Variants in WDR49 observed in about 807,000 individuals in gnomAD.
WDR49 encodes the protein WD repeat domain 49.
In WDR49, 107 loss-of-function variants were observed where a neutral mutation model predicts 119.5. The observed-to-expected ratio is 0.90, with a 90% CI of 0.77 to 1.05. WDR49 has a LOEUF of 1.05. Ranked by LOEUF, WDR49 falls within the 50% of genes least tolerant of loss-of-function variation. WDR49 has a pLI of 0.00. For synonymous variants in WDR49, 425 were observed against 418.8 expected (o/e 1.01, Z -0.18); for missense variants, 1,240 against 1,220.5 (o/e 1.02, Z -0.24).
intron 10 of WDR49, among the ~76,000 whole-genome samples, chr3:167,552,419 A>T (rs1439666106): frequency 6.6e-6 from 1 of 152,074 alleles, no homozygotes; most frequent in Non-Finnish European, 1.5e-5. Flanking sequence ...ACTGTTGTAC[A>T]ATTTATAGGA....
At chr3:167,554,889 T>C in intron 9 of WDR49, 91 bp from the exon 10 acceptor site, 2 of 931,786 alleles carry the variant, frequency 2.1e-6, no homozygotes, top group Non-Finnish European at 3.2e-6. Context: ...TATGTAATCA[T>C]TAAAGAAAAT....
chr3:167,532,829 C>A (rs2108243975), intron 12 of WDR49, 50 bp downstream of exon 12: 1 of 1,371,752 alleles, frequency 7.3e-7, no homozygotes, highest in Non-Finnish European at 1.0e-6. Context: ...ACAACCAGGC[C>A]TACTGTGATT....
At position 167,640,193 on chromosome 3, in the gene WDR49, G is replaced by T. The variant is rs1717814270; in HGVS notation, c.166-12901C>A. On this transcript the variant is annotated intron_variant, in intron 2 of 18. Transcript: ENST00000682715. ...GCATATATAATGACCTATATCTGCA[G>T]CCATCTCCTTCTCCCCTGTGACAGC... 6.6e-5 allele frequency among the ~76,000 whole-genome samples: 10 copies of T among 151,806 alleles called. No individual in the cohort carries two copies. The Admixed American group carries it at 6.6e-4, about 10-fold the overall frequency.
rs369559289 is a variant in WDR49 at position 167,529,179 on chromosome 3, T to C, written c.2279A>G (p.Lys760Arg). 1.8e-5 allele frequency: 29 copies of C among 1,611,736 alleles called. No individual in the cohort carries two copies. The African/African-American group carries it at 3.5e-4, about 19-fold the overall frequency. The change falls in exon 14 of 19, where the codon AAG becomes AGG. Residue 760 changes from lysine to arginine, a missense_variant. By Grantham distance (26) the Lys-to-Arg change is conservative. Transcript: ENST00000682715. ...CAAAAATTCAGCCAGAAGTTGCTTC[T>C]TATATATATCCCAAAATCTGACATA... Reference protein sequence around the residue: ...SGYVRFWDIYKKQLLAEFLAH... With the variant: ...SGYVRFWDIYRKQLLAEFLAH...
chr3:167,650,954 T>G (rs1163991624), intron 2 of WDR49, among the ~76,000 whole-genome samples: 1 of 152,162 alleles, frequency 6.6e-6, no homozygotes, highest in Non-Finnish European at 1.5e-5. Context: ...AGCCGGGATT[T>G]AAGCTCAGGA....
chr3:167,625,923 C>CAA (rs755478227), intron 3 of WDR49, among the ~76,000 whole-genome samples: 69 of 77,190 alleles, frequency 8.9e-4, no homozygotes, highest in African/African-American at 2.5e-3. Flanking sequence ...CCAAAATTTG[C>CAA]AAAAAAAAAA....
In WDR49 at chr3:167,560,743, G is replaced by A. The variant is rs1231999238; in HGVS notation, c.1510-515C>T. On this transcript the variant is annotated intron_variant, in intron 8 of 18. Coordinates refer to ENST00000682715, the MANE Select transcript of WDR49 (RefSeq NM_001366157.1). The stretch of plus-strand genomic sequence containing the variant: ...TTGCTTTCTTTTTTCCCAAACTACT[G>A]TGTATATTTTTATAGCTAAACACAA... Among the ~76,000 whole-genome samples the A allele has an allele frequency of 3.3e-5, 5 of 149,444 alleles. No individual in the cohort carries two copies. In the East Asian group the frequency reaches 9.8e-4, roughly 29 times the overall value.
At chr3:167,567,831 T>A (rs1043436414) in intron 8 of WDR49, among the ~76,000 whole-genome samples, 1 of 152,200 alleles carries the variant, frequency 6.6e-6, no homozygotes, top group Non-Finnish European at 1.5e-5. Context: ...CTCTTACTGG[T>A]AAGGTGCTTC....
chr3:167,635,477 C>G (rs1381471907), intron 2 of WDR49, among the ~76,000 whole-genome samples: 7 of 151,564 alleles, frequency 4.6e-5, no homozygotes, highest in Non-Finnish European at 7.4e-5. Context: ...ATCTGCCAAC[C>G]CTTAGAAATG....
At chr3:167,490,018 C>T (rs1751071323) in intron 18 of WDR49, among the ~76,000 whole-genome samples, 1 of 152,052 alleles carries the variant, frequency 6.6e-6, no homozygotes, top group African/African-American at 2.4e-5. Context: ...CCTGGTGATG[C>T]CCATGCTGCT....
At position 167,626,720 on chromosome 3, in the gene WDR49, A is replaced by G. The variant is rs113715374; in HGVS notation, c.606+132T>C. 1.1e-3 allele frequency: 724 copies of G among 645,196 alleles called. 5 individuals carry two copies. The South Asian group carries it at 0.014, about 13-fold the overall frequency. 40.0% of individuals were successfully genotyped at this position (645,196 alleles called of 1,614,324 possible). A position where few individuals can be genotyped will look rare whatever the true frequency, so the allele number is the denominator to read the frequency against. ...GGCACCCAAGAAAACAGCTGGCACT[A>G]CCTGTTCTCCCTCCAGGTCAGGAGA... On this transcript the variant is annotated intron_variant, in intron 3 of 18. Coordinates refer to ENST00000682715, the MANE Select transcript of WDR49 (RefSeq NM_001366157.1).
At chr3:167,503,837 A>T (rs1751670586) in intron 17 of WDR49, among the ~76,000 whole-genome samples, 2 of 152,230 alleles carry the variant, frequency 1.3e-5, no homozygotes, top group African/African-American at 4.8e-5. Flanking sequence ...GAGGGGACCC[A>T]AAGGTGGTTG....
chr3:167,610,886 G>A lies in WDR49; in HGVS notation c.959-6418C>T, dbSNP rs568085054. Among the ~76,000 whole-genome samples, 95 of 152,334 alleles carry A rather than the reference G, an allele frequency of 6.2e-4. 2 individuals carry two copies. In the South Asian group the frequency reaches 8.5e-3, roughly 14 times the overall value. On this transcript the variant is annotated intron_variant, in intron 5 of 18. Coordinates refer to ENST00000682715, the MANE Select transcript of WDR49 (RefSeq NM_001366157.1). ...TGGGGGACAGTAAGGGAGAGAACAA[G>A]AGTCTCTGTCTGGTAATCCGGAGAA...
intron 5 of WDR49, among the ~76,000 whole-genome samples, chr3:167,619,562 C>A (rs1449436990): frequency 6.6e-6 from 1 of 152,028 alleles, no homozygotes; most frequent in South Asian, 2.1e-4. Flanking sequence ...CTTCTGAAAC[C>A]CAAAGAGGGT....
At chr3:167,630,459 C>T (rs1313928487) in intron 2 of WDR49, among the ~76,000 whole-genome samples, 4 of 151,888 alleles carry the variant, frequency 2.6e-5, no homozygotes, top group African/African-American at 9.7e-5. Context: ...ATCCTGATAC[C>T]CACTTTACTG....
At chr3:167,596,761 C>G (rs4996919) in intron 7 of WDR49, among the ~76,000 whole-genome samples, 34,047 of 142,058 alleles carry the variant, frequency 0.24, 4,651 homozygotes, top group African/African-American at 0.28. Context: ...GGGAGATATA[C>G]CTAATGCTAG....
intron 17 of WDR49, among the ~76,000 whole-genome samples, chr3:167,501,946 T>C (rs1214400778): frequency 3.3e-5 from 5 of 152,188 alleles, no homozygotes; most frequent in African/African-American, 4.8e-5. Context: ...TTCTGACTAA[T>C]ATAGTAAGGA....
chr3:167,561,377 T>C (rs1362251761), intron 8 of WDR49, among the ~76,000 whole-genome samples: 1 of 152,150 alleles, frequency 6.6e-6, no homozygotes, highest in Admixed American at 6.6e-5. Context: ...CATCACTGCA[T>C]ACCAGATCAG....
intron 9 of WDR49, among the ~76,000 whole-genome samples, chr3:167,559,653 A>G (rs1392905720): frequency 2.0e-5 from 3 of 152,216 alleles, no homozygotes; most frequent in East Asian, 1.9e-4. Flanking sequence ...AAAAATTTGC[A>G]TCTATGCCAT....
Sources: allele counts gnomAD v4.1 joint callset (sites outside exome capture counted in the v4.1 genomes callset), GRCh38; gene constraint gnomAD v4.1.1; transcripts MANE v1.5; gene names NCBI Gene and HGNC (gene_info 2026-07-23, HGNC 2026-07-21).